FOXP2: variants seen among roughly 807,000 people sequenced by gnomAD.
FOXP2 encodes the protein forkhead box protein P2.
A neutral mutation model predicts 115.8 loss-of-function variants in FOXP2; 12 were observed. The observed-to-expected ratio is 0.10, with a 90% CI of 0.07 to 0.17. The LOEUF is 0.17. FOXP2 is among the 10% of genes least tolerant of loss of function. The probability of loss-of-function intolerance (pLI) is 1.00; values close to 1 mark genes in which losing one functional copy is unlikely to be tolerated. For missense variants in FOXP2, 629 were observed against 843.5 expected, an observed-to-expected ratio of 0.75 and a Z score of 3.15; for synonymous variants, 328 against 297.7, an observed-to-expected ratio of 1.10 and a Z score of -1.05.
intron 1 of FOXP2, among the ~76,000 whole-genome samples, chr7:114,284,938 A>AT (rs1796428896): frequency 6.6e-6 from 1 of 152,202 alleles, no homozygotes; most frequent in African/African-American, 2.4e-5. Flanking sequence ...CAGAAAAGCA[A>AT]ATACTGCATA....
chr7:114,592,011 G>A (rs1802460177), intron 3 of FOXP2, among the ~76,000 whole-genome samples: 1 of 152,012 alleles, frequency 6.6e-6, no homozygotes, highest in Non-Finnish European at 1.5e-5. Flanking sequence ...AGTGGCTACT[G>A]TATTGGATCA....
At chr7:114,559,632 C>T (rs1354201182) in intron 3 of FOXP2, among the ~76,000 whole-genome samples, 2 of 152,146 alleles carry the variant, frequency 1.3e-5, no homozygotes, top group Non-Finnish European at 2.9e-5. Flanking sequence ...CCTGTAATCC[C>T]AGCACTTTGG....
intron 3 of FOXP2, among the ~76,000 whole-genome samples, chr7:114,609,677 G>A (rs1231164748): frequency 6.6e-6 from 1 of 152,056 alleles, no homozygotes; most frequent in Non-Finnish European, 1.5e-5. Context: ...TTTCTTTAAT[G>A]TGAACCTTTT....
At chr7:114,534,543 A>T in intron 2 of FOXP2, 74 bp from the exon 3 acceptor site, 1 of 1,191,882 alleles carries the variant, frequency 8.4e-7, no homozygotes, top group Non-Finnish European at 1.3e-6. Flanking sequence ...GAAGCCTTTT[A>T]CTATTAACCA....
chr7:114,110,716 T>C, intron 1 of FOXP2, among the ~76,000 whole-genome samples: 1 of 152,008 alleles, frequency 6.6e-6, no homozygotes, highest in East Asian at 1.9e-4. Context: ...CTTCAAGAGG[T>C]TGAGTATGGG....
chr7:114,288,105 A>G, exon 2 of FOXP2: 1 of 453,156 alleles, frequency 2.2e-6, no homozygotes, highest in Non-Finnish European at 4.4e-6. Flanking sequence ...ATCTGGAAGA[A>G]ACAGGTAAGT....
intron 2 of FOXP2, among the ~76,000 whole-genome samples, chr7:114,491,213 T>C (rs1317482420): frequency 6.6e-6 from 1 of 152,210 alleles, no homozygotes; most frequent in African/African-American, 2.4e-5. Context: ...TGGTGTGAGA[T>C]GGTATCTCAT....
At chr7:114,566,713 C>G (rs895397083) in intron 3 of FOXP2, among the ~76,000 whole-genome samples, 2 of 152,044 alleles carry the variant, frequency 1.3e-5, no homozygotes, top group Non-Finnish European at 2.9e-5. Context: ...AAGACAACCA[C>G]TATTCCATTC....
chr7:114,582,091 G>A (rs918687297), intron 3 of FOXP2, among the ~76,000 whole-genome samples: 1 of 152,178 alleles, frequency 6.6e-6, no homozygotes, highest in Admixed American at 6.5e-5. Flanking sequence ...GATGTTGACA[G>A]TGGCAATGAA....
At chr7:114,089,822 A>G (rs762655593) in intron 1 of FOXP2, among the ~76,000 whole-genome samples, 1 of 152,008 alleles carries the variant, frequency 6.6e-6, no homozygotes, top group Non-Finnish European at 1.5e-5. Context: ...TCAAACACAC[A>G]AAACAAGTCT....
At chr7:114,502,992 C>A (rs1215932394) in intron 2 of FOXP2, among the ~76,000 whole-genome samples, 2 of 152,048 alleles carry the variant, frequency 1.3e-5, no homozygotes, top group Non-Finnish European at 2.9e-5. Context: ...TTGTCTGTTA[C>A]AATTCTCTCA....
At chr7:114,354,697 C>T (rs530780711) in intron 2 of FOXP2, among the ~76,000 whole-genome samples, 3 of 152,184 alleles carry the variant, frequency 2.0e-5, no homozygotes, top group South Asian at 4.1e-4. Context: ...CTCCCTCCCC[C>T]TATATTATAT....
In FOXP2 at chr7:114,392,818, A is replaced by G. The variant is rs140571354; in HGVS notation, c.-10-33684A>G. 2.6e-5 allele frequency among the ~76,000 whole-genome samples: 4 copies of G among 152,324 alleles called. No individual in the cohort carries two copies. The East Asian group carries it at 7.7e-4, about 29-fold the overall frequency. On this transcript the variant is annotated intron_variant, in intron 2 of 17. Transcript: ENST00000634411. Reference sequence around the variant, plus strand: ...CAACTTAGTAAGTGCCTACTTTTGAACCAGTGTCAGATGAATGGAATGTGC... The same window carrying G: ...CAACTTAGTAAGTGCCTACTTTTGAGCCAGTGTCAGATGAATGGAATGTGC...
At chr7:114,124,211 A>AAC (rs139908113) in intron 1 of FOXP2, among the ~76,000 whole-genome samples, 3,207 of 152,162 alleles carry the variant, frequency 0.021, 101 homozygotes, top group African/African-American at 0.073. Flanking sequence ...GAAACCACAT[A>AAC]ACACAGTTTG....
At chr7:114,687,053 C>A (rs1249723033) in intron 16 of FOXP2, among the ~76,000 whole-genome samples, 1 of 152,062 alleles carries the variant, frequency 6.6e-6, no homozygotes, top group Non-Finnish European at 1.5e-5. Flanking sequence ...TGCTGAATAA[C>A]GTGAAATGTC....
At chr7:114,206,563 T>C (rs1258935158) in intron 1 of FOXP2, among the ~76,000 whole-genome samples, 2 of 152,166 alleles carry the variant, frequency 1.3e-5, no homozygotes, top group African/African-American at 4.8e-5. Context: ...AGTCTTCATC[T>C]GTCATGTCAC....
In FOXP2 at chr7:114,280,371, T is replaced by C. The variant is rs139332120; in HGVS notation, c.-101-7648T>C. ...TCATATATTACTTTTAGTGACAGTG[T>C]CAAGAGCACTGTGATTTTTTTCTCT... On this transcript the variant is annotated intron_variant, in intron 1 of 17. Coordinates refer to the FOXP2 transcript ENST00000634411. Among the ~76,000 whole-genome samples, 211 of 152,228 alleles carry C rather than the reference T, an allele frequency of 1.4e-3. 1 individual carries two copies. The highest frequency in any genetic ancestry group is 4.7e-3 in the African/African-American group (196 of 41,550).
At chr7:114,532,771 A>G (rs1799201274) in intron 2 of FOXP2, among the ~76,000 whole-genome samples, 3 of 151,900 alleles carry the variant, frequency 2.0e-5, no homozygotes, top group Admixed American at 1.3e-4. Context: ...AAAAGAAAAA[A>G]AAACTACATG....
chr7:114,388,204 T>C (rs1049107257), intron 2 of FOXP2, among the ~76,000 whole-genome samples: 2 of 152,150 alleles, frequency 1.3e-5, no homozygotes, highest in African/African-American at 4.8e-5. Flanking sequence ...GGTGTCCTTC[T>C]CACACTCTTA....
Sources: gnomAD v4.1 joint callset for allele counts (sites outside exome capture counted in the v4.1 genomes callset) on GRCh38, gnomAD v4.1.1 for gene constraint, MANE v1.5 for transcripts, NCBI Gene and HGNC (gene_info 2026-07-23, HGNC 2026-07-21) for gene names.